The following ST8SIA2 variants were observed in gnomAD, a reference collection of about 807,000 sequenced individuals.
The protein encoded by ST8SIA2 is ST8 alpha-N-acetyl-neuraminide alpha-2,8-sialyltransferase 2.
ST8SIA2 carries 22 observed loss-of-function variants against 37.6 expected under a neutral mutation model. The ratio of observed to expected loss-of-function variants is 0.58; its 90% CI spans 0.42 to 0.83. The LOEUF is 0.83. Ranked by LOEUF, ST8SIA2 falls within the 40% of genes least tolerant of loss-of-function variation. The pLI is 0.00. For missense variants in ST8SIA2, 382 were observed against 484.7 expected (o/e 0.79, Z 1.99); for synonymous variants, 205 against 201.2 (o/e 1.02, Z -0.16).
chr15:92,403,851 A>T (rs2049488167), intron 1 of ST8SIA2, among the ~76,000 whole-genome samples: 1 of 152,234 alleles, frequency 6.6e-6, no homozygotes, highest in Admixed American at 6.5e-5. Context: ...CAAAACATTT[A>T]GTTCCCAGGA....
At chr15:92,395,934 T>C (rs956951624) in intron 1 of ST8SIA2, among the ~76,000 whole-genome samples, 1 of 152,236 alleles carries the variant, frequency 6.6e-6, no homozygotes, top group African/African-American at 2.4e-5. Context: ...CTGGGAACTT[T>C]TAATTTTTAA....
chr15:92,417,126 A>G (rs1432625555), intron 1 of ST8SIA2, among the ~76,000 whole-genome samples: 1 of 152,244 alleles, frequency 6.6e-6, no homozygotes, highest in Non-Finnish European at 1.5e-5. Flanking sequence ...CTACAGCAGG[A>G]ACCCCAATTG....
rs1371532593 is a variant in ST8SIA2, at chr15:92,393,881, G to A, written c.-184G>A. On this transcript the variant is annotated 5_prime_UTR_variant, in exon 1 of 6. Coordinates refer to ENST00000268164, the MANE Select transcript of ST8SIA2 (RefSeq NM_006011.4). ...GGGAGCGAGCGGGCTCGCCGCGCCT[G>A]AGCAACCCCTGCCTGTCGCTGCCGC... 4 of 224,640 alleles carry A rather than the reference G, an allele frequency of 1.8e-5. No homozygotes were observed. Among genetic ancestry groups the A allele is most frequent in the Middle Eastern group, 1.5e-3 (1 of 674 alleles). The allele number at this position is 224,640 out of a possible 1,614,324, so 13.9% of individuals were successfully genotyped here.
intron 5 of ST8SIA2, among the ~76,000 whole-genome samples, chr15:92,461,432 C>T (rs1443304512): frequency 2.0e-5 from 3 of 152,220 alleles, no homozygotes; most frequent in Non-Finnish European, 4.4e-5. Flanking sequence ...AGCCATAGCA[C>T]AGAGACAGCA....
At chr15:92,415,012 G>C (rs2049576935) in intron 1 of ST8SIA2, among the ~76,000 whole-genome samples, 1 of 152,182 alleles carries the variant, frequency 6.6e-6, no homozygotes, top group Non-Finnish European at 1.5e-5. Flanking sequence ...GCTCCTAAAA[G>C]AGCATGGCTG....
At chr15:92,414,703 G>A (rs114574624) in intron 1 of ST8SIA2, among the ~76,000 whole-genome samples, 3 of 152,274 alleles carry the variant, frequency 2.0e-5, no homozygotes, top group African/African-American at 4.8e-5. Context: ...CCATCCATCC[G>A]AGCAAGGTTC....
At chr15:92,434,422 A>T (rs750121097) in intron 3 of ST8SIA2, 47 bp downstream of exon 3, 6 of 1,613,604 alleles carry the variant, frequency 3.7e-6, no homozygotes, top group Non-Finnish European at 4.2e-6. Context: ...GGTCTTGAGC[A>T]TACACGGGCA....
rs374188578 is a variant in ST8SIA2 at position 92,468,264 on chromosome 15, A to G, written c.*3879A>G. The G allele has an allele frequency of 3.9e-5, 6 of 152,564 alleles. No homozygotes were observed. The highest frequency in any genetic ancestry group is 8.8e-5 in the Non-Finnish European group (6 of 68,060). The allele number at this position is 152,564 out of a possible 1,614,324, so 9.5% of individuals were successfully genotyped here. On this transcript the variant is annotated 3_prime_UTR_variant, in exon 6 of 6. Transcript: ENST00000268164. ...TCCCCGGCCCGTGAACAAATGTACA[A>G]TTCTCTATTCTGACATTACAGACCA...
At chr15:92,439,947 G>A (rs1332437114) in intron 4 of ST8SIA2, among the ~76,000 whole-genome samples, 1 of 152,088 alleles carries the variant, frequency 6.6e-6, no homozygotes, top group East Asian at 1.9e-4. Flanking sequence ...GTATCCGGGG[G>A]AGGCGGGGGG....
At chr15:92,397,859 A>G (rs893688790) in intron 1 of ST8SIA2, among the ~76,000 whole-genome samples, 16 of 152,198 alleles carry the variant, frequency 1.1e-4, no homozygotes, top group African/African-American at 3.6e-4. Flanking sequence ...CTGGCCGGGA[A>G]CGGTGGCTCA....
At chr15:92,452,927 C>G (rs1315771528) in intron 5 of ST8SIA2, among the ~76,000 whole-genome samples, 6 of 152,038 alleles carry the variant, frequency 3.9e-5, no homozygotes, top group Admixed American at 3.3e-4. Context: ...AAATTCAACC[C>G]GTAACAGCTG....
At chr15:92,459,072 T>A (rs28403257) in intron 5 of ST8SIA2, among the ~76,000 whole-genome samples, 2,817 of 152,214 alleles carry the variant, frequency 0.019, 76 homozygotes, top group African/African-American at 0.065. Flanking sequence ...CTGAGTAACC[T>A]CAGAAGCACC....
At chr15:92,404,176 A>G (rs1304159129) in intron 1 of ST8SIA2, among the ~76,000 whole-genome samples, 1 of 152,212 alleles carries the variant, frequency 6.6e-6, no homozygotes, top group African/African-American at 2.4e-5. Flanking sequence ...AAGGACTGAC[A>G]AGTTCTTGCC....
chr15:92,438,562 T>C lies in ST8SIA2; in HGVS notation c.500T>C (p.Leu167Pro), dbSNP rs1157614474. Residue 167 changes from leucine to proline, a missense_variant, in exon 4 of 6, where the codon CTG becomes CCG. Transcript: ENST00000268164. ...CAIVGNSGVL[L>P]NSGCGQEIDA... ...ATCGTGGGCAACTCGGGGGTCTTGC[T>C]GAACAGCGGCTGTGGGCAGGAGATT... 1.9e-6 allele frequency: 3 copies of C among 1,613,770 alleles called. No homozygotes were observed. The highest frequency in any genetic ancestry group is 1.3e-5 in the African/African-American group (1 of 75,018).
rs886600985 is a variant in ST8SIA2, at chr15:92,465,783, G to A, written c.*1398G>A. On this transcript the variant is annotated 3_prime_UTR_variant, in exon 6 of 6. Transcript: ENST00000268164. ...TAAGATTAAAAAAAAAATACCCAAAGCCAAATGCAGTTCCAAATAGTGGAC... is the reference window on the plus strand; with the variant it reads ...TAAGATTAAAAAAAAAATACCCAAAACCAAATGCAGTTCCAAATAGTGGAC... The A allele has an allele frequency of 6.6e-6, 1 of 151,944 alleles. No individual in the cohort carries two copies. The highest frequency in any genetic ancestry group is 2.4e-5 in the African/African-American group (1 of 41,330). The allele number at this position is 151,944 out of a possible 1,614,324, so 9.4% of individuals were successfully genotyped here.
intron 5 of ST8SIA2, among the ~76,000 whole-genome samples, chr15:92,448,521 C>T (rs1418334960): frequency 6.6e-6 from 1 of 152,254 alleles, no homozygotes; most frequent in Admixed American, 6.5e-5. Context: ...AGCATCAAAA[C>T]CATGGGCTTT....
intron 1 of ST8SIA2, among the ~76,000 whole-genome samples, chr15:92,399,951 A>T (rs764680362): frequency 6.6e-6 from 1 of 152,184 alleles, no homozygotes; most frequent in Non-Finnish European, 1.5e-5. Context: ...GCAACACATC[A>T]TCTGGTCTTT....
At position 92,444,750 on chromosome 15, in the gene ST8SIA2, G is replaced by C. The variant is rs145237424; in HGVS notation, c.663G>C (p.Thr221=). Residue 221 remains threonine (T), a synonymous_variant, in exon 5 of 6, where the codon ACG becomes ACC. Coordinates refer to ENST00000268164, the MANE Select transcript of ST8SIA2 (RefSeq NM_006011.4). ...CCTTTGAGGACTTGGTCAATGCCAC[G>C]TGGCGGGAGAAGCTGCTGCAACGGC... ...QRAFEDLVNA[T]WREKLLQRLH... 1 of 1,614,076 alleles carries C rather than the reference G, an allele frequency of 6.2e-7. No homozygotes were observed. Among genetic ancestry groups the C allele is most frequent in the African/African-American group, 1.3e-5 (1 of 74,934 alleles).
At chr15:92,428,620 C>T (rs779598596) in intron 1 of ST8SIA2, among the ~76,000 whole-genome samples, 1 of 152,134 alleles carries the variant, frequency 6.6e-6, no homozygotes, top group African/African-American at 2.4e-5. Context: ...CCGACATTCC[C>T]GGACCCCAAC....
Sources: gnomAD v4.1 joint callset for allele counts (sites outside exome capture counted in the v4.1 genomes callset) on GRCh38, gnomAD v4.1.1 for gene constraint, MANE v1.5 for transcripts, NCBI Gene and HGNC (gene_info 2026-07-23, HGNC 2026-07-21) for gene names.